GREB1L: variants seen among roughly 807,000 people sequenced by gnomAD.
GREB1L encodes the protein GREB1 like retinoic acid receptor coactivator.
GREB1L carries 17 observed loss-of-function variants against 200.8 expected under a neutral mutation model. The ratio of observed to expected loss-of-function variants is 0.08; its 90% CI spans 0.06 to 0.13. GREB1L has a LOEUF of 0.13. Ranked by LOEUF, GREB1L falls within the 10% of genes least tolerant of loss-of-function variation. The pLI is 1.00. For synonymous variants in GREB1L, 789 were observed against 893.0 expected (o/e 0.88, Z 2.08); for missense variants, 1,657 against 2,367.7 (o/e 0.70, Z 6.23).
chr18:21,425,823 C>G (rs1490550870), intron 7 of GREB1L, among the ~76,000 whole-genome samples: 1 of 152,058 alleles, frequency 6.6e-6, no homozygotes, highest in Non-Finnish European at 1.5e-5. Context: ...GATTTTCTCC[C>G]ATTCTGTGGG....
Position 21,242,358 on chromosome 18 carries a change from C to T in GREB1L, c.-155C>T, listed in dbSNP as rs2037509650. On this transcript the variant is annotated 5_prime_UTR_variant, in exon 1 of 33. Transcript: ENST00000424526. ...CAGCCCGGCCGAGCCGAGGGCCACC[C>T]CCTGGTCCTCTGCCCTCGCGCCCCG... 1 of 152,198 alleles carries T rather than the reference C, an allele frequency of 6.6e-6. No individual in the cohort carries two copies. Among genetic ancestry groups the T allele is most frequent in the Non-Finnish European group, 1.5e-5 (1 of 68,108 alleles). 9.4% of individuals were successfully genotyped at this position (152,198 alleles called of 1,614,324 possible).
chr18:21,514,853 T>G (rs995331315), intron 28 of GREB1L, among the ~76,000 whole-genome samples: 1 of 152,152 alleles, frequency 6.6e-6, no homozygotes, highest in Non-Finnish European at 1.5e-5. Flanking sequence ...CCTGGGGTAG[T>G]GCCCCCTCAC....
At chr18:21,270,980 G>A (rs1344886420) in intron 1 of GREB1L, among the ~76,000 whole-genome samples, 3 of 152,172 alleles carry the variant, frequency 2.0e-5, no homozygotes, top group Admixed American at 2.0e-4. Flanking sequence ...CTACACTTGA[G>A]TTCACACAGT....
At chr18:21,432,714 T>TTC in intron 7 of GREB1L, among the ~76,000 whole-genome samples, 1 of 143,210 alleles carries the variant, frequency 7.0e-6, no homozygotes, top group East Asian at 2.0e-4. Flanking sequence ...TCTTTTTTTT[T>TTC]TTTTTTTTTT....
At chr18:21,384,870 A>C (rs2040473967) in intron 4 of GREB1L, among the ~76,000 whole-genome samples, 1 of 144,446 alleles carries the variant, frequency 6.9e-6, no homozygotes, top group Non-Finnish European at 1.5e-5. Flanking sequence ...CACTCATCCG[A>C]TATAGAGGAT....
Position 21,524,127 on chromosome 18 carries a change from T to C in GREB1L, c.*1306T>C, listed in dbSNP as rs1476560721. The stretch of plus-strand genomic sequence containing the variant: ...AGTTTTCTCATTAGCCCATATTTAC[T>C]ACTTTATCCCCACTTAAAATGGCCA... On this transcript the variant is annotated 3_prime_UTR_variant, in exon 33 of 33. Transcript: ENST00000424526. 6.6e-6 allele frequency: 1 copy of C among 152,250 alleles called. No individual in the cohort carries two copies. The highest frequency in any genetic ancestry group is 1.5e-5 in the Non-Finnish European group (1 of 68,042). The allele number at this position is 152,250 out of a possible 1,614,324, so 9.4% of individuals were successfully genotyped here.
chr18:21,344,774 C>G (rs2039320197), intron 1 of GREB1L, among the ~76,000 whole-genome samples: 1 of 152,148 alleles, frequency 6.6e-6, no homozygotes, highest in Non-Finnish European at 1.5e-5. Flanking sequence ...CATAGGCAGT[C>G]TTAAATAAGA....
intron 1 of GREB1L, among the ~76,000 whole-genome samples, chr18:21,283,097 T>C (rs2144478966): frequency 6.6e-6 from 1 of 152,334 alleles, no homozygotes; most frequent in South Asian, 2.1e-4. Flanking sequence ...CTAGAAAGTC[T>C]CCACTTCACT....
At chr18:21,337,918 C>T (rs1464208436) in intron 1 of GREB1L, among the ~76,000 whole-genome samples, 2 of 151,550 alleles carry the variant, frequency 1.3e-5, no homozygotes, top group Non-Finnish European at 2.9e-5. Flanking sequence ...ACCTGGGAGG[C>T]GGAGCTTGCA....
intron 21 of GREB1L, among the ~76,000 whole-genome samples, chr18:21,498,351 TA>T (rs914393929): frequency 2.0e-4 from 31 of 152,210 alleles, no homozygotes; most frequent in African/African-American, 6.7e-4. Context: ...AGCCAGGGGT[TA>T]GGGCTGACCA....
chr18:21,383,557 A>T lies in GREB1L; in HGVS notation c.39A>T (p.Arg13=). The T allele has an allele frequency of 6.5e-7, 1 of 1,547,376 alleles. No homozygotes were observed. Among genetic ancestry groups the T allele is most frequent in the Non-Finnish European group, 8.7e-7 (1 of 1,145,756 alleles). The change falls in exon 3 of 33, where the codon CGA becomes CGT. Residue 13 remains arginine, a synonymous_variant. Coordinates refer to ENST00000424526, the MANE Select transcript of GREB1L (RefSeq NM_001142966.3). ...NSYAGQLKSA[R]FEEALHNSIE... is the part of the protein sequence containing the mutation. ...ATGCTGGGCAACTGAAATCTGCTCGATTTGAGGAAGCTCTCCACAACTCCA... is the reference window on the plus strand; with the variant it reads ...ATGCTGGGCAACTGAAATCTGCTCGTTTTGAGGAAGCTCTCCACAACTCCA...
intron 1 of GREB1L, among the ~76,000 whole-genome samples, chr18:21,260,575 C>T (rs1028925654): frequency 2.1e-4 from 32 of 151,892 alleles, no homozygotes; most frequent in Non-Finnish European, 8.8e-5. Context: ...ACCATTTGTT[C>T]CGAGTTGACT....
intron 7 of GREB1L, among the ~76,000 whole-genome samples, chr18:21,422,152 A>T (rs1228690099): frequency 1.3e-5 from 2 of 152,132 alleles, no homozygotes; most frequent in Admixed American, 6.5e-5. Context: ...GGCCTTGGTG[A>T]GATGTAGATG....
At chr18:21,369,179 T>G (rs1403516130) in intron 2 of GREB1L, among the ~76,000 whole-genome samples, 1 of 152,196 alleles carries the variant, frequency 6.6e-6, no homozygotes, top group African/African-American at 2.4e-5. Context: ...TAATGATTGT[T>G]GTGATAAATC....
intron 15 of GREB1L, 140 bp downstream of exon 15, chr18:21,454,703 T>C (rs1272878250): frequency 1.4e-6 from 1 of 725,698 alleles, no homozygotes; most frequent in Non-Finnish European, 2.4e-6. Context: ...ACTTTGTTAT[T>C]TTGGGTTTAT....
At chr18:21,478,912 C>T (rs1356100463) in intron 17 of GREB1L, among the ~76,000 whole-genome samples, 3 of 152,260 alleles carry the variant, frequency 2.0e-5, no homozygotes, top group Admixed American at 6.5e-5. Context: ...GGCAGAGTCT[C>T]GCTCTGTCAC....
intron 1 of GREB1L, among the ~76,000 whole-genome samples, chr18:21,304,365 A>C (rs973653): frequency 0.2 from 30,157 of 151,980 alleles, 7,138 homozygotes; most frequent in African/African-American, 0.57. Flanking sequence ...GATGATATTT[A>C]AGTTTTTGTT....
intron 7 of GREB1L, among the ~76,000 whole-genome samples, chr18:21,404,610 T>C (rs1211654492): frequency 6.6e-6 from 1 of 152,202 alleles, no homozygotes; most frequent in Non-Finnish European, 1.5e-5. Flanking sequence ...TAAAAATTCC[T>C]CCAGTATAGA....
chr18:21,353,207 G>A (rs574881095), intron 1 of GREB1L, among the ~76,000 whole-genome samples: 6 of 151,576 alleles, frequency 4.0e-5, no homozygotes, highest in African/African-American at 1.2e-4. Context: ...AGAAAGAAAT[G>A]GGACCATATT....
Sources: gnomAD v4.1 joint callset for allele counts (sites outside exome capture counted in the v4.1 genomes callset) on GRCh38, gnomAD v4.1.1 for gene constraint, MANE v1.5 for transcripts, NCBI Gene and HGNC (gene_info 2026-07-23, HGNC 2026-07-21) for gene names.